The following SV2C variants were observed in gnomAD, a reference collection of about 807,000 sequenced individuals.
SV2C encodes synaptic vesicle glycoprotein 2C.
Under a neutral mutation model 79.7 loss-of-function variants are expected in SV2C, and 49 were observed. The ratio of observed to expected loss-of-function variants is 0.61; its 90% confidence interval spans 0.49 to 0.78. SV2C has a LOEUF of 0.78. Ranked by LOEUF, SV2C falls within the 30% of genes least tolerant of loss-of-function variation. The pLI, the probability that SV2C is intolerant of heterozygous loss-of-function variation, is 0.00. For missense variants in SV2C, 833 were observed against 912.9 expected, an observed-to-expected ratio of 0.91 and a Z score of 1.13; for synonymous variants, 334 against 333.2, an observed-to-expected ratio of 1.00 and a Z score of -0.03.
At chr5:76,100,119 G>A (rs1344106090) in intron 1 of SV2C, among the ~76,000 whole-genome samples, 2 of 152,284 alleles carry the variant, frequency 1.3e-5, no homozygotes, top group East Asian at 1.9e-4. Context: ...AGGAAAAGGA[G>A]GAGCTTTAGA....
chr5:76,008,998 C>G, the SV2C span, among the ~76,000 whole-genome samples: 1 of 152,122 alleles, frequency 6.6e-6, no homozygotes, highest in African/African-American at 2.4e-5. Context: ...CCATGGTGCA[C>G]TTCCTCAGCT....
At chr5:75,963,009 A>G in the SV2C span, among the ~76,000 whole-genome samples, 175 of 152,248 alleles carry the variant, frequency 1.1e-3, no homozygotes, top group Middle Eastern at 0.01. Context: ...AACTAATGGC[A>G]ACACACTGTG....
chr5:76,029,624 T>C, the SV2C span, among the ~76,000 whole-genome samples: 1 of 152,000 alleles, frequency 6.6e-6, no homozygotes, highest in Non-Finnish European at 1.5e-5. Context: ...GGCAAAAATT[T>C]ACACTTATTA....
At chr5:76,128,561 C>T (rs930064364) in intron 1 of SV2C, among the ~76,000 whole-genome samples, 1 of 152,184 alleles carries the variant, frequency 6.6e-6, no homozygotes, top group African/African-American at 2.4e-5. Context: ...TCTCCTCTAA[C>T]AAGCTTTGTG....
chr5:76,276,286 G>T (rs1747019741), intron 4 of SV2C, among the ~76,000 whole-genome samples: 1 of 152,136 alleles, frequency 6.6e-6, no homozygotes, highest in Non-Finnish European at 1.5e-5. Flanking sequence ...GCATTTGCAG[G>T]GTCATTTCTT....
At chr5:75,990,623 G>A in the SV2C span, among the ~76,000 whole-genome samples, 1 of 151,924 alleles carries the variant, frequency 6.6e-6, no homozygotes, top group South Asian at 2.1e-4. Flanking sequence ...AAAGTCCTGA[G>A]TCAAAGTGGG....
At chr5:75,881,893 C>T in the SV2C span, among the ~76,000 whole-genome samples, 2 of 146,654 alleles carry the variant, frequency 1.4e-5, no homozygotes, top group South Asian at 4.2e-4. Flanking sequence ...AAAGGGAATG[C>T]TTCCAGTTTT....
the SV2C span, among the ~76,000 whole-genome samples, chr5:76,007,999 A>C: frequency 0.076 from 11,522 of 152,220 alleles, 527 homozygotes; most frequent in African/African-American, 0.13. Flanking sequence ...TGCCGGTGGC[A>C]ACAGGTGCTG....
chr5:76,302,112 A>G (rs773912185), intron 12 of SV2C, among the ~76,000 whole-genome samples: 1 of 152,222 alleles, frequency 6.6e-6, no homozygotes, highest in Non-Finnish European at 1.5e-5. Flanking sequence ...TTGTAGGCTA[A>G]CAATATGAGG....
the SV2C span, among the ~76,000 whole-genome samples, chr5:75,961,570 C>A: frequency 2.0e-5 from 3 of 151,664 alleles, no homozygotes; most frequent in African/African-American, 7.3e-5. Flanking sequence ...AAATATGATT[C>A]ATAAATATCA....
chr5:76,071,145 C>A, the SV2C span, among the ~76,000 whole-genome samples: 1 of 152,204 alleles, frequency 6.6e-6, no homozygotes, highest in Admixed American at 6.5e-5. Context: ...TCCTCAAACA[C>A]AGAGCTTTTA....
chr5:76,297,158 C>G (rs1172023530), intron 9 of SV2C, among the ~76,000 whole-genome samples: 1 of 152,070 alleles, frequency 6.6e-6, no homozygotes. Context: ...ACATATGTTA[C>G]ACATTTATTT....
chr5:76,066,906 T>A, the SV2C span, among the ~76,000 whole-genome samples: 1 of 151,894 alleles, frequency 6.6e-6, no homozygotes, highest in Admixed American at 6.5e-5. Flanking sequence ...CAGCTATGTG[T>A]GTTTATTTTG....
the SV2C span, among the ~76,000 whole-genome samples, chr5:75,973,069 T>C: frequency 6.6e-6 from 1 of 151,890 alleles, no homozygotes; most frequent in South Asian, 2.1e-4. Context: ...AGCAAACTAT[T>C]GCAAGGACAA....
chr5:76,085,860 G>T (rs200306984), intron 1 of SV2C, among the ~76,000 whole-genome samples: 1 of 65,064 alleles, frequency 1.5e-5, no homozygotes, highest in South Asian at 6.8e-4. Context: ...CACACACACA[G>T]AATTTTCTTT....
intron 12 of SV2C, among the ~76,000 whole-genome samples, chr5:76,315,351 C>CA (rs766382075): frequency 6.6e-6 from 1 of 151,770 alleles, no homozygotes; most frequent in South Asian, 2.1e-4. Flanking sequence ...AGTCTGGTAT[C>CA]AAAAAAACAA....
intron 4 of SV2C, among the ~76,000 whole-genome samples, chr5:76,211,913 G>A (rs1462687884): frequency 1.3e-5 from 2 of 152,132 alleles, no homozygotes; most frequent in Non-Finnish European, 2.9e-5. Context: ...TAAGGAATTG[G>A]TTACTTGGCC....
chr5:76,156,020 A>C lies in SV2C; in HGVS notation c.580+23690A>C, dbSNP rs1222838942. ...GGGAAGAGATTGGTAGATTCATTGG[A>C]GATATAGATTAAGTTGTAGGCCAGC... On this transcript the variant is annotated intron_variant, in intron 2 of 12. Transcript: ENST00000502798. Among the ~76,000 whole-genome samples the C allele has an allele frequency of 3.3e-5, 5 of 150,030 alleles. No homozygotes were observed. The Admixed American group carries it at 3.3e-4, about 10-fold the overall frequency.
At position 76,264,828 on chromosome 5, in the gene SV2C, C is replaced by T. The variant is rs554995562; in HGVS notation, c.914-20334C>T. On this transcript the variant is annotated intron_variant, in intron 4 of 12. Transcript: ENST00000502798. ...TGGAAGGTTCTTCCCCAACGGGCACCAGCCTGATGCCAGCTGGAGTTCTCC... is the reference window on the plus strand; with the variant it reads ...TGGAAGGTTCTTCCCCAACGGGCACTAGCCTGATGCCAGCTGGAGTTCTCC... Among the ~76,000 whole-genome samples the T allele has an allele frequency of 2.0e-5, 3 of 152,312 alleles. No homozygotes were observed. In the South Asian group the frequency reaches 6.2e-4, roughly 32 times the overall value.
Sources: gnomAD v4.1 joint callset for allele counts (sites outside exome capture counted in the v4.1 genomes callset) on GRCh38, gnomAD v4.1.1 for gene constraint, MANE v1.5 for transcripts, NCBI Gene and HGNC (gene_info 2026-07-23, HGNC 2026-07-21) for gene names.